UFD1: variants seen among roughly 807,000 people sequenced by gnomAD.
UFD1 encodes ubiquitin recognition factor in ER associated degradation 1, also known as ubiquitin recognition factor in ER-associated degradation protein 1.
In UFD1, 13 loss-of-function variants were observed where a neutral mutation model predicts 45.9. The ratio of observed to expected loss-of-function variants is 0.28; its 90% confidence interval spans 0.18 to 0.45. UFD1 has a LOEUF of 0.45. Among genes scored for constraint, UFD1 ranks in the 20% least tolerant of loss-of-function variants. The pLI, the probability that UFD1 is intolerant of heterozygous loss-of-function variation, is 1.00. For missense variants in UFD1, 218 were observed against 389.2 expected (o/e 0.56, Z 3.70); for synonymous variants, 128 against 139.2 (o/e 0.92, Z 0.56).
intron 9 of UFD1, 110 bp from the exon 10 acceptor site, chr22:19,455,878 T>G (rs182193285): frequency 2.0e-6 from 2 of 978,862 alleles, no homozygotes; most frequent in Non-Finnish European, 3.1e-6. Context: ...GCAGACCCCT[T>G]CAGGACTGAA....
At chr22:19,477,461 C>T (rs553921254) in intron 1 of UFD1, among the ~76,000 whole-genome samples, 2 of 152,208 alleles carry the variant, frequency 1.3e-5, no homozygotes, top group African/African-American at 2.4e-5. Context: ...TTTATGAGTC[C>T]GCTTCTAGGA....
chr22:19,451,819 T>G (rs541114957), intron 11 of UFD1: 175 of 985,508 alleles, frequency 1.8e-4, no homozygotes, highest in Non-Finnish European at 2.0e-4. Flanking sequence ...CAGCCTGCAT[T>G]GCATGGAGTT....
rs748493687 is a variant in UFD1 at position 19,455,662 on chromosome 22, G to C, written c.767+18C>G. On this transcript the variant is annotated intron_variant, in intron 10 of 11. Transcript: ENST00000263202. The stretch of plus-strand genomic sequence containing the variant: ...CAGATCCTCCTCCTGTCCTGGAGGA[G>C]AGCCAGGACAGACCTACCTTTTAAT... 1.9e-6 allele frequency: 3 copies of C among 1,610,360 alleles called. No individual in the cohort carries two copies. The East Asian group carries it at 6.7e-5, about 36-fold the overall frequency.
intron 2 of UFD1, 70 bp downstream of exon 2, chr22:19,475,400 C>G: frequency 1.9e-6 from 3 of 1,587,290 alleles, no homozygotes; most frequent in Non-Finnish European, 1.7e-6. Flanking sequence ...AAAGTAAGTA[C>G]TGTTGAAGGC....
intron 4 of UFD1, chr22:19,470,013 T>C (rs964284017): frequency 1.4e-5 from 7 of 518,476 alleles, no homozygotes; most frequent in Non-Finnish European, 2.7e-5. Flanking sequence ...CAGAAGGGAC[T>C]GGGGAAGTAG....
At position 19,478,841 on chromosome 22, in the gene UFD1, A is replaced by G. The variant is rs867251186; in HGVS notation, c.3+242T>C. The stretch of plus-strand genomic sequence containing the variant: ...GACACAAACCTTCCTTTCTTTCGTC[A>G]AGGAGGGCAAGTCCGGCTGAGACAG... On this transcript the variant is annotated intron_variant, in intron 1 of 11. Coordinates refer to ENST00000263202, the MANE Select transcript of UFD1 (RefSeq NM_005659.7). 1.9e-5 allele frequency: 10 copies of G among 537,736 alleles called. No homozygotes were observed. In the African/African-American group the frequency reaches 2.0e-4, roughly 11 times the overall value. The allele number at this position is 537,736 out of a possible 1,614,324, so 33.3% of individuals were successfully genotyped here.
At position 19,459,230 on chromosome 22, in the gene UFD1, C is replaced by T. The variant is rs577650984; in HGVS notation, c.496-1091G>A. Among the ~76,000 whole-genome samples, 8 of 152,304 alleles carry T rather than the reference C, an allele frequency of 5.3e-5. No individual in the cohort carries two copies. In the South Asian group the frequency reaches 1.7e-3, roughly 32 times the overall value. On this transcript the variant is annotated intron_variant, in intron 6 of 11. Coordinates refer to ENST00000263202, the MANE Select transcript of UFD1 (RefSeq NM_005659.7). The stretch of plus-strand genomic sequence containing the variant: ...AAATTTACAGTTATACAATGGTATG[C>T]TACGCAGCCAACAGGAAAATAATTG...
In UFD1 at chr22:19,475,582, G is replaced by C; in HGVS notation, c.24C>G (p.Asp8Glu). The C allele has an allele frequency of 6.2e-7, 1 of 1,614,178 alleles. No individual in the cohort carries two copies. Among genetic ancestry groups the C allele is most frequent in the Non-Finnish European group, 8.5e-7 (1 of 1,180,018 alleles). The change falls in exon 2 of 12, where the codon GAC becomes GAG. Residue 8 changes from aspartate (D) to glutamate (E), a missense_variant. Around this residue, in one of 2 missense-constraint regions of UFD1, gnomAD observed 149 missense variants for 307.5 expected, o/e 0.48. Transcript: ENST00000263202. ...TTTGGAAGACCCTGGGAATAGGGTG[G>C]TCGAACATGTTGAAAGAGAACTAGA... The part of the protein sequence containing the change: MFSFNMF[D>E]HPIPRVFQNR...
chr22:19,464,936 C>G (rs1452609614), intron 6 of UFD1, among the ~76,000 whole-genome samples: 1 of 152,216 alleles, frequency 6.6e-6, no homozygotes, highest in Admixed American at 6.5e-5. Flanking sequence ...AAGACAGAAC[C>G]AGCAGCCTTG....
chr22:19,456,614 A>T lies in UFD1; in HGVS notation c.651T>A (p.Ser217Arg). 1.2e-6 allele frequency: 2 copies of T among 1,614,154 alleles called. No homozygotes were observed. Among genetic ancestry groups the T allele is most frequent in the Non-Finnish European group, 1.7e-6 (2 of 1,180,032 alleles). The stretch of plus-strand genomic sequence containing the variant: ...GGAAGCCCAGCTCTCCAGCATAGCC[A>T]CTGTGGTCGGCTTCACCTTCCTGAC... Reference protein sequence around the residue: ...EESTEGEADHSGYAGELGFRA... With the variant: ...EESTEGEADHRGYAGELGFRA... Residue 217 changes from serine to arginine, a missense_variant, in exon 9 of 12, where the codon AGT becomes AGA. Around this residue, in one of 2 missense-constraint regions of UFD1, gnomAD observed 149 missense variants for 307.5 expected, o/e 0.48. Coordinates refer to ENST00000263202, the MANE Select transcript of UFD1 (RefSeq NM_005659.7).
chr22:19,451,238 A>C, intron 11 of UFD1: 1 of 986,642 alleles, frequency 1.0e-6, no homozygotes, highest in African/African-American at 1.7e-5. Context: ...TCATGCCAAT[A>C]AACTTCCTGT....
intron 11 of UFD1, chr22:19,453,929 G>A: frequency 1.7e-5 from 17 of 985,570 alleles, no homozygotes; most frequent in Non-Finnish European, 2.0e-5. Context: ...AAGCGCTGGT[G>A]TTGTAGAAAT....
chr22:19,474,811 G>C (rs2089870123), intron 3 of UFD1, among the ~76,000 whole-genome samples: 1 of 152,184 alleles, frequency 6.6e-6, no homozygotes, highest in Non-Finnish European at 1.5e-5. Context: ...GATCAGGAAG[G>C]GAAAGGGAAC....
chr22:19,459,927 T>C (rs2089753579), intron 6 of UFD1, among the ~76,000 whole-genome samples: 1 of 151,732 alleles, frequency 6.6e-6, no homozygotes, highest in Admixed American at 6.6e-5. Flanking sequence ...TTAGTAGAGA[T>C]GGTGTTTCAC....
At chr22:19,463,864 T>C (rs1363042444) in intron 6 of UFD1, among the ~76,000 whole-genome samples, 1 of 152,204 alleles carries the variant, frequency 6.6e-6, no homozygotes, top group African/African-American at 2.4e-5. Flanking sequence ...CATACACTCT[T>C]ATATAATGTA....
intron 4 of UFD1, among the ~76,000 whole-genome samples, chr22:19,470,968 G>T (rs879469656): frequency 3.3e-5 from 5 of 152,184 alleles, no homozygotes; most frequent in Non-Finnish European, 5.9e-5. Flanking sequence ...GGACAAGCAG[G>T]TCCCTTTGTG....
chr22:19,470,875 A>C (rs2089839748), intron 4 of UFD1: 3 of 454,448 alleles, frequency 6.6e-6, no homozygotes, highest in African/African-American at 4.0e-5. Context: ...GTGGCAGCCA[A>C]GCAAGCACTC....
chr22:19,476,210 A>G (rs1309881877), intron 1 of UFD1, among the ~76,000 whole-genome samples: 1 of 152,168 alleles, frequency 6.6e-6, no homozygotes, highest in African/African-American at 2.4e-5. Flanking sequence ...GACTCTGCAC[A>G]AAGACCTGAA....
chr22:19,450,909 G>T, intron 11 of UFD1, 165 bp from the exon 12 acceptor site: 1 of 1,426,014 alleles, frequency 7.0e-7, no homozygotes, highest in Non-Finnish European at 9.2e-7. Flanking sequence ...GCCTAGGTGG[G>T]AGGATCACTT....
Sources: allele counts gnomAD v4.1 joint callset (sites outside exome capture counted in the v4.1 genomes callset), GRCh38; gene constraint gnomAD v4.1.1; regional missense constraint gnomAD v4.1.1; transcripts MANE v1.5; gene names NCBI Gene and HGNC (gene_info 2026-07-23, HGNC 2026-07-21).